CCDC6: variants seen among roughly 807,000 people sequenced by gnomAD.
CCDC6 encodes the protein coiled-coil domain containing 6.
A neutral mutation model predicts 56.6 loss-of-function variants in CCDC6; 20 were observed. That is an observed-to-expected ratio of 0.35 (90% confidence interval 0.25 to 0.51). The LOEUF (loss-of-function observed/expected upper bound fraction) is 0.51. Ranked by LOEUF, CCDC6 falls within the 20% of genes least tolerant of loss-of-function variation. The pLI, the probability that CCDC6 is intolerant of heterozygous loss-of-function variation, is 0.95. For synonymous variants in CCDC6, 241 were observed against 234.4 expected (o/e 1.03, Z -0.26); for missense variants, 367 against 601.1 (o/e 0.61, Z 4.07).
intron 1 of CCDC6, among the ~76,000 whole-genome samples, chr10:59,874,388 G>A (rs895961779): frequency 2.6e-5 from 4 of 152,014 alleles, no homozygotes; most frequent in East Asian, 1.9e-4. Context: ...GAAATCCTCC[G>A]TTTACAGAAA....
At chr10:59,851,092 T>C (rs895133231) in intron 2 of CCDC6, among the ~76,000 whole-genome samples, 2 of 135,600 alleles carry the variant, frequency 1.5e-5, no homozygotes, top group Non-Finnish European at 3.0e-5. Context: ...TCCTATAATG[T>C]ACTTTGGTTA....
chr10:59,862,550 CACACACAT>C lies in CCDC6; in HGVS notation c.304-9856_304-9849del, dbSNP rs1338971879. On this transcript the variant is annotated intron_variant, in intron 1 of 8. Transcript: ENST00000263102. The stretch of plus-strand genomic sequence containing the variant: ...ACACACACACACACACACACACACA[CACACACAT>C]ATATATACACATACACACACACACA... 1.1e-3 allele frequency among the ~76,000 whole-genome samples: 89 copies of C among 81,052 alleles called. 7 individuals carry two copies. Among genetic ancestry groups the C allele is most frequent in the Middle Eastern group, 6.8e-3 (1 of 146 alleles). The allele number at this position is 81,052 out of a possible 152,430, so 53.2% of individuals were successfully genotyped here.
At chr10:59,818,438 G>A (rs192876691) in intron 3 of CCDC6, among the ~76,000 whole-genome samples, 4 of 144,016 alleles carry the variant, frequency 2.8e-5, no homozygotes, top group African/African-American at 7.8e-5. Context: ...TCAGCCGTGT[G>A]GATTCTCAAG....
intron 3 of CCDC6, among the ~76,000 whole-genome samples, chr10:59,829,261 A>C (rs2070815088): frequency 6.6e-6 from 1 of 152,172 alleles, no homozygotes; most frequent in South Asian, 2.1e-4. Flanking sequence ...TTCAAAACAA[A>C]CACATCGTGA....
chr10:59,890,579 T>G (rs1203958706), intron 1 of CCDC6, among the ~76,000 whole-genome samples: 4 of 152,114 alleles, frequency 2.6e-5, no homozygotes, highest in Non-Finnish European at 5.9e-5. Context: ...GTCACATCAT[T>G]TATCCCCAAA....
At chr10:59,798,934 T>C (rs1329066713) in intron 7 of CCDC6, among the ~76,000 whole-genome samples, 1 of 136,384 alleles carries the variant, frequency 7.3e-6, no homozygotes, top group Non-Finnish European at 1.5e-5. Flanking sequence ...GTGGAGTTTA[T>C]AGTGAGCTGA....
chr10:59,792,055 G>C lies in CCDC6; in HGVS notation c.*862C>G, dbSNP rs553463518. 190 of 227,172 alleles carry C rather than the reference G, an allele frequency of 8.4e-4. 1 individual carries two copies. Among genetic ancestry groups the C allele is most frequent in the African/African-American group, 4.0e-3 (180 of 45,080 alleles). The allele number at this position is 227,172 out of a possible 1,614,324, so 14.1% of individuals were successfully genotyped here. The stretch of plus-strand genomic sequence containing the variant: ...GAGAACACAAATGAAGTACGAAAGG[G>C]GGAAGCCGCATTGTTTTTGTTACAA... On this transcript the variant is annotated 3_prime_UTR_variant, in exon 9 of 9. Transcript: ENST00000263102.
chr10:59,871,763 C>T lies in CCDC6; in HGVS notation c.304-19061G>A, dbSNP rs115542766. Among the ~76,000 whole-genome samples the T allele has an allele frequency of 7.1e-3, 1,078 of 152,264 alleles. 8 individuals carry two copies. The highest frequency in any genetic ancestry group is 0.024 in the African/African-American group (1,017 of 41,526). On this transcript the variant is annotated intron_variant, in intron 1 of 8. Transcript: ENST00000263102. Reference sequence around the variant, plus strand: ...ATATGAAGTCCTTTATGGCACAGCACACATCCTGCCTTGTGAGGGGGCAGG... The same window carrying T: ...ATATGAAGTCCTTTATGGCACAGCATACATCCTGCCTTGTGAGGGGGCAGG...
chr10:59,852,604 A>G lies in CCDC6; in HGVS notation c.402T>C (p.Tyr134=), dbSNP rs746780874. 1.1e-5 allele frequency: 17 copies of G among 1,604,064 alleles called. No individual in the cohort carries two copies. Among genetic ancestry groups the G allele is most frequent in the African/African-American group, 2.7e-5 (2 of 74,160 alleles). Residue 134 remains tyrosine (Y), a synonymous_variant, in exon 2 of 9, where the codon TAT becomes TAC. Coordinates refer to ENST00000263102, the MANE Select transcript of CCDC6 (RefSeq NM_005436.5). ...QKEKETLAVN[Y]EKEEEFLTNE... ...TAGTGAGGAATTCTTCTTCTTTCTCATAATTTACAGCAAGGGTTTCTTTCT... is the reference window on the plus strand; with the variant it reads ...TAGTGAGGAATTCTTCTTCTTTCTCGTAATTTACAGCAAGGGTTTCTTTCT...
chr10:59,835,911 G>C (rs1445388), intron 2 of CCDC6, among the ~76,000 whole-genome samples: 52,333 of 151,790 alleles, frequency 0.34, 9,445 homozygotes, highest in African/African-American at 0.38. Flanking sequence ...AGATTAGCTG[G>C]ACACGGTGGT....
At chr10:59,860,385 C>G (rs917606583) in intron 1 of CCDC6, among the ~76,000 whole-genome samples, 11 of 152,072 alleles carry the variant, frequency 7.2e-5, no homozygotes, top group African/African-American at 2.4e-4. Flanking sequence ...GGTACCAGGG[C>G]CTACCTTAAA....
chr10:59,868,212 A>T (rs1481139363), intron 1 of CCDC6, among the ~76,000 whole-genome samples: 1 of 152,244 alleles, frequency 6.6e-6, no homozygotes, highest in Non-Finnish European at 1.5e-5. Flanking sequence ...CCTGTGGAAC[A>T]TGCACTGTAC....
chr10:59,892,878 T>C (rs1272179125), intron 1 of CCDC6, among the ~76,000 whole-genome samples: 1 of 151,958 alleles, frequency 6.6e-6, no homozygotes, highest in African/African-American at 2.4e-5. Flanking sequence ...CTGAATGTCC[T>C]CTGCTGTGTC....
chr10:59,798,952 C>T (rs2070548854), intron 7 of CCDC6, among the ~76,000 whole-genome samples: 1 of 144,144 alleles, frequency 6.9e-6, no homozygotes, highest in Non-Finnish European at 1.5e-5. Flanking sequence ...TGAGATCATG[C>T]CACTGCACTC....
At chr10:59,883,492 A>G (rs117648977) in intron 1 of CCDC6, among the ~76,000 whole-genome samples, 2,542 of 152,306 alleles carry the variant, frequency 0.017, 30 homozygotes, top group Middle Eastern at 0.044. Context: ...CTCGCACTGT[A>G]TTTAGAAGTC....
In CCDC6 at chr10:59,841,445, G is replaced by A. The variant is rs112003431; in HGVS notation, c.454-8792C>T. ...TTTTCACATTTAACTTCTTATTGCT[G>A]GTACACAGAAATACAATTTTTCATA... On this transcript the variant is annotated intron_variant, in intron 2 of 8. Transcript: ENST00000263102. 8.5e-3 allele frequency among the ~76,000 whole-genome samples: 1,296 copies of A among 152,054 alleles called. 26 individuals are homozygous for A. The highest frequency in any genetic ancestry group is 0.03 in the African/African-American group (1,236 of 41,462).
At chr10:59,816,889 T>A (rs2070713679) in intron 3 of CCDC6, among the ~76,000 whole-genome samples, 1 of 152,228 alleles carries the variant, frequency 6.6e-6, no homozygotes, top group Non-Finnish European at 1.5e-5. Context: ...CATGATTATG[T>A]AGCAAACTGG....
chr10:59,827,009 A>C (rs980336873), intron 3 of CCDC6, among the ~76,000 whole-genome samples: 1 of 152,206 alleles, frequency 6.6e-6, no homozygotes, highest in African/African-American at 2.4e-5. Context: ...AATTAAACAG[A>C]GTACTGAATG....
chr10:59,804,134 T>C (rs2070599618), intron 7 of CCDC6, among the ~76,000 whole-genome samples: 1 of 151,890 alleles, frequency 6.6e-6, no homozygotes, highest in South Asian at 2.1e-4. Flanking sequence ...CTTAAAATCA[T>C]AGTCAAAGAC....
Sources: gnomAD v4.1 joint callset for allele counts (sites outside exome capture counted in the v4.1 genomes callset) on GRCh38, gnomAD v4.1.1 for gene constraint, MANE v1.5 for transcripts, NCBI Gene and HGNC (gene_info 2026-07-23, HGNC 2026-07-21) for gene names.